The following ZNF385D variants were observed in gnomAD, a reference collection of about 807,000 sequenced individuals.
ZNF385D encodes the protein zinc finger protein 385D, also known as zinc finger protein 659.
In ZNF385D, 15 loss-of-function variants were observed where a neutral mutation model predicts 35.8. The observed-to-expected ratio is 0.42, with a 90% CI of 0.28 to 0.64. The LOEUF (loss-of-function observed/expected upper bound fraction) is 0.64, where lower values mean the gene tolerates loss of function less well. Ranked by LOEUF, ZNF385D falls within the 30% of genes least tolerant of loss-of-function variation. ZNF385D has a pLI of 0.23. For missense variants in ZNF385D, 474 were observed against 494.6 expected (o/e 0.96, Z 0.39); for synonymous variants, 212 against 186.8 (o/e 1.13, Z -1.10).
At chr3:22,188,844 C>A (rs1210280306) in intron 2 of ZNF385D, among the ~76,000 whole-genome samples, 2 of 152,114 alleles carry the variant, frequency 1.3e-5, no homozygotes, top group Non-Finnish European at 2.9e-5. Context: ...TATTTCATTT[C>A]TTTTTTTCTT....
At chr3:21,786,107 T>G (rs899504049) in intron 3 of ZNF385D, among the ~76,000 whole-genome samples, 7 of 152,190 alleles carry the variant, frequency 4.6e-5, no homozygotes, top group African/African-American at 1.4e-4. Context: ...ATGGAGAGGT[T>G]CTCAGAGGTT....
intron 2 of ZNF385D, among the ~76,000 whole-genome samples, chr3:22,235,508 C>T (rs1006359377): frequency 2.0e-5 from 3 of 151,892 alleles, no homozygotes; most frequent in Admixed American, 6.6e-5. Flanking sequence ...CAAAACAATG[C>T]CAAAATGACA....
chr3:21,891,173 C>T (rs1698841258), intron 3 of ZNF385D, among the ~76,000 whole-genome samples: 1 of 152,064 alleles, frequency 6.6e-6, no homozygotes, highest in Non-Finnish European at 1.5e-5. Context: ...CTAATTATTG[C>T]TTGACACGCA....
At chr3:21,734,181 A>G (rs1483813341) in intron 1 of ZNF385D, among the ~76,000 whole-genome samples, 1 of 152,074 alleles carries the variant, frequency 6.6e-6, no homozygotes, top group Non-Finnish European at 1.5e-5. Flanking sequence ...CAATCTTGTG[A>G]TATTAGCGAA....
intron 4 of ZNF385D, among the ~76,000 whole-genome samples, chr3:21,459,095 G>A (rs972474002): frequency 6.6e-6 from 1 of 152,156 alleles, no homozygotes; most frequent in Non-Finnish European, 1.5e-5. Flanking sequence ...TCTATGAAAT[G>A]TTAACTCATA....
At chr3:22,266,716 C>T (rs2125354345) in intron 2 of ZNF385D, among the ~76,000 whole-genome samples, 1 of 151,990 alleles carries the variant, frequency 6.6e-6, no homozygotes, top group South Asian at 2.1e-4. Flanking sequence ...ATTTATATTT[C>T]ATGTCCCAAA....
At chr3:21,521,962 G>A (rs868528448) in intron 3 of ZNF385D, among the ~76,000 whole-genome samples, 21 of 152,042 alleles carry the variant, frequency 1.4e-4, no homozygotes, top group African/African-American at 3.4e-4. Context: ...AAATTATGTC[G>A]AAGTATCTAT....
intron 3 of ZNF385D, among the ~76,000 whole-genome samples, chr3:21,925,768 T>C (rs1700696644): frequency 6.6e-6 from 1 of 151,940 alleles, no homozygotes; most frequent in South Asian, 2.1e-4. Flanking sequence ...CAATGAACTT[T>C]CAAAACTTGA....
chr3:21,850,860 C>A (rs1474804323), intron 3 of ZNF385D, among the ~76,000 whole-genome samples: 1 of 151,944 alleles, frequency 6.6e-6, no homozygotes, highest in Non-Finnish European at 1.5e-5. Context: ...AGAACAGATC[C>A]ACAACTAAAT....
chr3:22,148,864 T>A (rs556828823), intron 3 of ZNF385D, among the ~76,000 whole-genome samples: 4 of 152,186 alleles, frequency 2.6e-5, no homozygotes, highest in Non-Finnish European at 5.9e-5. Flanking sequence ...TAAAGAAAGA[T>A]AGACGAAACC....
intron 2 of ZNF385D, among the ~76,000 whole-genome samples, chr3:22,331,842 C>G (rs1694949205): frequency 6.6e-6 from 1 of 152,132 alleles, no homozygotes; most frequent in Admixed American, 6.5e-5. Flanking sequence ...TCATCAGATT[C>G]AAAACTGACA....
intron 2 of ZNF385D, among the ~76,000 whole-genome samples, chr3:21,589,101 T>C (rs1000558283): frequency 1.3e-5 from 2 of 152,050 alleles, no homozygotes; most frequent in Non-Finnish European, 2.9e-5. Flanking sequence ...ACAAGAGTAT[T>C]GGAAAAAATA....
At chr3:21,910,903 A>T (rs777021128) in intron 3 of ZNF385D, among the ~76,000 whole-genome samples, 2 of 151,908 alleles carry the variant, frequency 1.3e-5, no homozygotes, top group African/African-American at 2.4e-5. Flanking sequence ...TATGTTTGAT[A>T]ACTATTTTAT....
chr3:21,859,338 G>T (rs1331346997), intron 3 of ZNF385D, among the ~76,000 whole-genome samples: 2 of 152,018 alleles, frequency 1.3e-5, no homozygotes, highest in Non-Finnish European at 2.9e-5. Flanking sequence ...AGAAGTTGGA[G>T]AGTCTGGGGT....
intron 2 of ZNF385D, among the ~76,000 whole-genome samples, chr3:22,353,788 C>T (rs1494219): frequency 0.33 from 50,607 of 151,954 alleles, 9,930 homozygotes; most frequent in East Asian, 0.68. Context: ...CTCATCTTTA[C>T]ACTTTCCTAT....
chr3:22,241,701 G>C (rs1402565836), intron 2 of ZNF385D, among the ~76,000 whole-genome samples: 1 of 150,622 alleles, frequency 6.6e-6, no homozygotes, highest in Non-Finnish European at 1.5e-5. Flanking sequence ...AAGAATGCTT[G>C]AATGCTTCCA....
rs932204398 is a variant in ZNF385D at position 21,683,828 on chromosome 3, C to G, written c.23-18800G>C. ...CAGCAAGGAAAGCAAGACCTTCATTCTACAACCACAGGAACTAAATTCTGC... is the reference window on the plus strand; with the variant it reads ...CAGCAAGGAAAGCAAGACCTTCATTGTACAACCACAGGAACTAAATTCTGC... On this transcript the variant is annotated intron_variant, in intron 1 of 7. Transcript: ENST00000281523. 2.0e-5 allele frequency among the ~76,000 whole-genome samples: 3 copies of G among 149,910 alleles called. 1 individual carries two copies. The highest frequency in any genetic ancestry group is 7.4e-5 in the African/African-American group (3 of 40,646).
intron 4 of ZNF385D, among the ~76,000 whole-genome samples, chr3:21,447,310 T>A (rs1435295861): frequency 6.6e-6 from 1 of 152,196 alleles, no homozygotes; most frequent in East Asian, 1.9e-4. Context: ...AAACTGCCTT[T>A]TCATGCTTCT....
Position 22,313,369 on chromosome 3 carries a change from T to C in ZNF385D, c.106+59081A>G, listed in dbSNP as rs189869460. Among the ~76,000 whole-genome samples, 249 of 152,122 alleles carry C rather than the reference T, an allele frequency of 1.6e-3. 2 individuals are homozygous for C. Among genetic ancestry groups the C allele is most frequent in the East Asian group, 8.7e-3 (45 of 5,150 alleles). ...ACATATGTAACAAACCTGCACGTTG[T>C]GCACATGTACCCTAAAACTTAAAGT... On this transcript the variant is annotated intron_variant, in intron 2 of 5. Transcript: ENST00000494108.
Sources: allele counts gnomAD v4.1 joint callset (sites outside exome capture counted in the v4.1 genomes callset), GRCh38; gene constraint gnomAD v4.1.1; transcripts MANE v1.5; gene names NCBI Gene and HGNC (gene_info 2026-07-23, HGNC 2026-07-21).